Variants in NXPH1 observed in about 807,000 individuals in gnomAD.
NXPH1 encodes neurexophilin 1.
NXPH1 carries 5 observed loss-of-function variants against 23.7 expected under a neutral mutation model. That is an observed-to-expected ratio of 0.21 (90% CI 0.11 to 0.44). The LOEUF is 0.44. NXPH1 is among the 20% of genes least tolerant of loss of function. The pLI is 0.99. For missense variants in NXPH1, 324 were observed against 321.6 expected, an observed-to-expected ratio of 1.01 and a Z score of -0.06; for synonymous variants, 144 against 122.2, an observed-to-expected ratio of 1.18 and a Z score of -1.18.
At chr7:8,664,525 G>T (rs1271876116) in intron 2 of NXPH1, among the ~76,000 whole-genome samples, 2 of 152,020 alleles carry the variant, frequency 1.3e-5, no homozygotes, top group Non-Finnish European at 2.9e-5. Flanking sequence ...AAAAAAGAAA[G>T]AAAAATTACC....
intron 2 of NXPH1, among the ~76,000 whole-genome samples, chr7:8,693,931 T>C (rs1286538766): frequency 6.6e-6 from 1 of 152,238 alleles, no homozygotes; most frequent in Admixed American, 6.5e-5. Context: ...TCACCCCACT[T>C]ATGGTTTCTA....
intron 2 of NXPH1, among the ~76,000 whole-genome samples, chr7:8,735,022 C>G (rs1466543099): frequency 6.6e-6 from 1 of 152,168 alleles, no homozygotes; most frequent in Non-Finnish European, 1.5e-5. Context: ...AGTTGCTTAT[C>G]AGCTTAAGGA....
chr7:8,676,676 G>C (rs2115173470), intron 2 of NXPH1, among the ~76,000 whole-genome samples: 1 of 152,254 alleles, frequency 6.6e-6, no homozygotes, highest in African/African-American at 2.4e-5. Context: ...CCTCTTTATA[G>C]TTTTCTAGTA....
chr7:8,727,819 G>T (rs571317016), intron 2 of NXPH1, among the ~76,000 whole-genome samples: 2 of 151,896 alleles, frequency 1.3e-5, no homozygotes, highest in Admixed American at 6.6e-5. Flanking sequence ...TTGGTGATGC[G>T]GGCTCTTTTT....
chr7:8,708,655 C>A lies in NXPH1; in HGVS notation c.55-42353C>A, dbSNP rs538532980. ...GGGATTACAGGTGTGAGCCACCATG[C>A]CTGCCTAGAATATGTGTTTCTCTAT... is the stretch of plus-strand genomic sequence containing the variant. On this transcript the variant is annotated intron_variant, in intron 2 of 2. Transcript: ENST00000405863. Among the ~76,000 whole-genome samples, 9 of 152,210 alleles carry A rather than the reference C, an allele frequency of 5.9e-5. No homozygotes were observed. The East Asian group carries it at 1.5e-3, about 26-fold the overall frequency.
intron 2 of NXPH1, among the ~76,000 whole-genome samples, chr7:8,588,635 G>C (rs937783438): frequency 1.3e-5 from 2 of 152,070 alleles, no homozygotes; most frequent in Non-Finnish European, 2.9e-5. Context: ...AAGACTTTGG[G>C]GAAAGACTGG....
At chr7:8,634,671 T>TG (rs1323679298) in intron 2 of NXPH1, among the ~76,000 whole-genome samples, 3 of 72,702 alleles carry the variant, frequency 4.1e-5, no homozygotes, top group East Asian at 4.1e-4. Flanking sequence ...AAGAGTTTTT[T>TG]TTTTTTTTTT....
At chr7:8,644,119 G>T (rs986633336) in intron 2 of NXPH1, among the ~76,000 whole-genome samples, 4 of 152,096 alleles carry the variant, frequency 2.6e-5, no homozygotes, top group African/African-American at 9.7e-5. Context: ...GGTTTGCTTT[G>T]CTTTTCTTTC....
Position 8,689,085 on chromosome 7 carries a change from T to G in NXPH1, c.55-61923T>G, listed in dbSNP as rs73676139. On this transcript the variant is annotated intron_variant, in intron 2 of 2. Coordinates refer to ENST00000405863, the MANE Select transcript of NXPH1 (RefSeq NM_152745.3). ...TTGCTCTTATGTCTCTGGAATTTTT[T>G]AAAGCACGTATTGTGCCATTCATTA... Among the ~76,000 whole-genome samples the G allele has an allele frequency of 4.4e-3, 670 of 152,308 alleles. 5 individuals carry two copies. Among genetic ancestry groups the G allele is most frequent in the African/African-American group, 0.015 (635 of 41,580 alleles).
At chr7:8,533,364 T>C (rs1430677758) in intron 2 of NXPH1, among the ~76,000 whole-genome samples, 1 of 152,122 alleles carries the variant, frequency 6.6e-6, no homozygotes, top group Non-Finnish European at 1.5e-5. Context: ...ACCTATGCTT[T>C]TAGCATATAT....
At chr7:8,564,294 C>T (rs149450463) in intron 2 of NXPH1, among the ~76,000 whole-genome samples, 124 of 151,864 alleles carry the variant, frequency 8.2e-4, no homozygotes, top group Non-Finnish European at 1.4e-3. Flanking sequence ...CTTAAACCAG[C>T]GTAGCAGTAA....
chr7:8,516,518 A>G (rs1817690373), intron 2 of NXPH1, among the ~76,000 whole-genome samples: 1 of 152,172 alleles, frequency 6.6e-6, no homozygotes, highest in Admixed American at 6.5e-5. Flanking sequence ...AAGTCTTCAG[A>G]TATCACCTGG....
intron 2 of NXPH1, among the ~76,000 whole-genome samples, chr7:8,665,407 T>C (rs1304237474): frequency 6.6e-6 from 1 of 151,994 alleles, no homozygotes; most frequent in Non-Finnish European, 1.5e-5. Flanking sequence ...TACCATGCTG[T>C]TTTAATATAA....
chr7:8,473,202 T>C (rs1584178796), intron 2 of NXPH1, among the ~76,000 whole-genome samples: 1 of 152,154 alleles, frequency 6.6e-6, no homozygotes, highest in African/African-American at 2.4e-5. Context: ...GAAATGGCCA[T>C]TGTCAAGTGC....
At chr7:8,741,479 G>C (rs1272472528) in intron 2 of NXPH1, among the ~76,000 whole-genome samples, 1 of 152,050 alleles carries the variant, frequency 6.6e-6, no homozygotes, top group Non-Finnish European at 1.5e-5. Flanking sequence ...GGAATCTCCA[G>C]ATTGTTTTCC....
intron 2 of NXPH1, among the ~76,000 whole-genome samples, chr7:8,516,860 A>G (rs1198109776): frequency 6.6e-6 from 1 of 152,152 alleles, no homozygotes; most frequent in Non-Finnish European, 1.5e-5. Context: ...CCCAGGGTGC[A>G]GAAGGTGGAT....
intron 2 of NXPH1, among the ~76,000 whole-genome samples, chr7:8,629,600 A>G (rs1156310838): frequency 6.6e-6 from 1 of 152,166 alleles, no homozygotes; most frequent in African/African-American, 2.4e-5. Flanking sequence ...CGAGATTACT[A>G]AAATTGCTCT....
chr7:8,443,311 C>G (rs1816337300), intron 2 of NXPH1, among the ~76,000 whole-genome samples: 1 of 152,248 alleles, frequency 6.6e-6, no homozygotes, highest in African/African-American at 2.4e-5. Flanking sequence ...TCCCCCTACC[C>G]AGTCTCCCAT....
At chr7:8,558,402 G>A (rs1011260127) in intron 2 of NXPH1, among the ~76,000 whole-genome samples, 1 of 151,668 alleles carries the variant, frequency 6.6e-6, no homozygotes, top group East Asian at 2.0e-4. Context: ...AGAGCAGCTG[G>A]AGCTTGGGAG....
Sources: allele counts gnomAD v4.1 joint callset (sites outside exome capture counted in the v4.1 genomes callset), GRCh38; gene constraint gnomAD v4.1.1; transcripts MANE v1.5; gene names NCBI Gene and HGNC (gene_info 2026-07-23, HGNC 2026-07-21).